LHFPL4: variants seen among roughly 807,000 people sequenced by gnomAD.
LHFPL4 encodes LHFPL tetraspan subfamily member 4 protein.
A neutral mutation model predicts 20.0 loss-of-function variants in LHFPL4; 6 were observed. The observed-to-expected ratio is 0.30, with a 90% CI of 0.16 to 0.59. The LOEUF (loss-of-function observed/expected upper bound fraction) is 0.59, where lower values mean the gene tolerates loss of function less well. Ranked by LOEUF, LHFPL4 falls within the 20% of genes least tolerant of loss-of-function variation. The pLI, the probability that LHFPL4 is intolerant of heterozygous loss-of-function variation, is 0.88. For missense variants in LHFPL4, 215 were observed against 331.2 expected (o/e 0.65, Z 2.72); for synonymous variants, 129 against 143.8 (o/e 0.90, Z 0.74).
At chr3:9,535,808 A>G (rs928384538) in intron 2 of LHFPL4, among the ~76,000 whole-genome samples, 1 of 151,478 alleles carries the variant, frequency 6.6e-6, no homozygotes, top group Non-Finnish European at 1.5e-5. Context: ...TTTTCATTAT[A>G]ATTTCTTTTT....
At position 9,536,957 on chromosome 3, in the gene LHFPL4, G is replaced by A. The variant is rs374439161; in HGVS notation, c.406+15317C>T. On this transcript the variant is annotated intron_variant, in intron 2 of 3. Transcript: ENST00000287585. ...AAAATTCAGCCGGGTGTGGTAGTGC[G>A]CGCCTGCAGTCCCAGCTACTCAGGA... Among the ~76,000 whole-genome samples, 22 of 151,616 alleles carry A rather than the reference G, an allele frequency of 1.5e-4. No homozygotes were observed. The East Asian group carries it at 2.3e-3, about 16-fold the overall frequency.
At chr3:9,508,068 G>A (rs1157424333) in intron 2 of LHFPL4, among the ~76,000 whole-genome samples, 1 of 152,164 alleles carries the variant, frequency 6.6e-6, no homozygotes, top group African/African-American at 2.4e-5. Flanking sequence ...TGTAAAGTGG[G>A]GGTGATGGTC....
intron 2 of LHFPL4, among the ~76,000 whole-genome samples, chr3:9,543,976 G>C (rs984204629): frequency 3.3e-5 from 5 of 152,028 alleles, no homozygotes; most frequent in Admixed American, 2.0e-4. Context: ...GCCCACCTCA[G>C]CCTCCCAAAG....
chr3:9,516,937 G>A (rs1027334361), intron 2 of LHFPL4, among the ~76,000 whole-genome samples: 4 of 151,444 alleles, frequency 2.6e-5, no homozygotes, highest in Non-Finnish European at 5.9e-5. Context: ...CCGCCACCAC[G>A]CCGGGCTGAT....
chr3:9,539,075 TATC>T (rs2046461317), intron 2 of LHFPL4, among the ~76,000 whole-genome samples: 1 of 152,194 alleles, frequency 6.6e-6, no homozygotes, highest in South Asian at 2.1e-4. Flanking sequence ...TTAAATCAGA[TATC>T]ATCATTAATT....
chr3:9,505,141 G>A (rs1233590109), intron 3 of LHFPL4, among the ~76,000 whole-genome samples: 5 of 152,192 alleles, frequency 3.3e-5, no homozygotes, highest in South Asian at 2.1e-4. Context: ...GCCCTTGAAC[G>A]CTTCTCATGG....
At position 9,506,139 on chromosome 3, in the gene LHFPL4, G is replaced by T; in HGVS notation, c.471C>A (p.Asp157Glu). The T allele has an allele frequency of 6.2e-7, 1 of 1,614,152 alleles. No individual in the cohort carries two copies. Among genetic ancestry groups the T allele is most frequent in the Non-Finnish European group, 8.5e-7 (1 of 1,180,034 alleles). Reference sequence around the variant, plus strand: ...ACTTCCCCGTCTTGGCCCCACACATGTCCCGGATGGTCTCGGCATCCCAGC... The same window carrying T: ...ACTTCCCCGTCTTGGCCCCACACATTTCCCGGATGGTCTCGGCATCCCAGC... ...PDGWDAETIRDMCGAKTGKYS... is the reference protein window; with the variant it reads ...PDGWDAETIREMCGAKTGKYS... Residue 157 changes from aspartate to glutamate, a missense_variant, in exon 3 of 4, where the codon GAC (aspartate) becomes GAA (glutamate). Transcript: ENST00000287585. The surrounding 1 kb of genome is among the most constrained non-coding windows in gnomAD (Gnocchi z 4.5).
At chr3:9,538,744 G>A (rs1328129434) in intron 2 of LHFPL4, among the ~76,000 whole-genome samples, 1 of 150,966 alleles carries the variant, frequency 6.6e-6, no homozygotes, top group Non-Finnish European at 1.5e-5. Flanking sequence ...TGTCACCCAG[G>A]CTGGAGTGCA....
At chr3:9,518,050 T>C (rs2046315519) in intron 2 of LHFPL4, among the ~76,000 whole-genome samples, 2 of 152,134 alleles carry the variant, frequency 1.3e-5, no homozygotes, top group Admixed American at 1.3e-4. Flanking sequence ...ATGTCTGTTG[T>C]AGGTTTTTTT....
At chr3:9,509,071 G>A (rs1448561275) in intron 2 of LHFPL4, among the ~76,000 whole-genome samples, 1 of 152,196 alleles carries the variant, frequency 6.6e-6, no homozygotes, top group Non-Finnish European at 1.5e-5. Context: ...CAGCTGCGCA[G>A]CGCTGGCTCC....
intron 2 of LHFPL4, among the ~76,000 whole-genome samples, chr3:9,520,232 G>C (rs905059051): frequency 1.3e-5 from 2 of 152,126 alleles, no homozygotes; most frequent in African/African-American, 2.4e-5. Context: ...GAGGCAGAAA[G>C]TTCACTTGAG....
At chr3:9,537,432 C>G (rs1285994239) in intron 2 of LHFPL4, among the ~76,000 whole-genome samples, 1 of 152,164 alleles carries the variant, frequency 6.6e-6, no homozygotes, top group Non-Finnish European at 1.5e-5. Context: ...AACCCCATCA[C>G]TTTGTGCAGT....
At chr3:9,502,430 G>C in intron 3 of LHFPL4, 119 bp from the exon 4 acceptor site, 1 of 726,572 alleles carries the variant, frequency 1.4e-6, no homozygotes, top group Non-Finnish European at 2.4e-6. Context: ...GGCCGGGCGC[G>C]GTGGCTGACG....
intron 2 of LHFPL4, among the ~76,000 whole-genome samples, chr3:9,523,805 G>C (rs2046356135): frequency 1.3e-5 from 2 of 151,996 alleles, no homozygotes; most frequent in African/African-American, 2.4e-5. Context: ...GTATACATCT[G>C]AGCTTCTAAC....
At chr3:9,542,806 C>CAAAAAAAA (rs148495276) in intron 2 of LHFPL4, among the ~76,000 whole-genome samples, 1 of 78,466 alleles carries the variant, frequency 1.3e-5, no homozygotes. Context: ...GGCCCTATCT[C>CAAAAAAAA]AAAAAAAAAA....
At chr3:9,502,347 T>G in intron 3 of LHFPL4, 36 bp from the exon 4 acceptor site, 10 of 1,392,656 alleles carry the variant, frequency 7.2e-6, no homozygotes, top group East Asian at 2.3e-5. Context: ...GGAGAGAGAA[T>G]TAGAGAAAGT....
chr3:9,511,453 T>C (rs1318591827), intron 2 of LHFPL4, among the ~76,000 whole-genome samples: 1 of 152,120 alleles, frequency 6.6e-6, no homozygotes, highest in East Asian at 1.9e-4. Context: ...CAATGTCACA[T>C]AGCTTGTAAG....
chr3:9,524,219 T>C (rs961309028), intron 2 of LHFPL4, among the ~76,000 whole-genome samples: 2 of 151,890 alleles, frequency 1.3e-5, no homozygotes, highest in Non-Finnish European at 1.5e-5. Context: ...TGTTTGTTTG[T>C]TTGCTTTTTT....
rs367990615 is a variant in LHFPL4 at position 9,502,235 on chromosome 3, G to A, written c.720C>T (p.Pro240=). Residue 240 remains proline (P), a synonymous_variant, in exon 4 of 4, where the codon CCC becomes CCT. Coordinates refer to ENST00000287585, the MANE Select transcript of LHFPL4 (RefSeq NM_198560.3). ...TTCAGGGTCCCTGTGAGTGAGCCAC[G>A]GGGCAGGGAAGGACTCCCCATCCAG... The part of the protein sequence containing the change: ...DVSGWGVLPC[P]VAHSQGP The A allele has an allele frequency of 4.3e-6, 7 of 1,613,914 alleles. No homozygotes were observed. The highest frequency in any genetic ancestry group is 1.1e-5 in the South Asian group (1 of 91,082).
Sources: gnomAD v4.1 joint callset for allele counts (sites outside exome capture counted in the v4.1 genomes callset) on GRCh38, gnomAD v4.1.1 for gene constraint, Gnocchi (gnomAD v3.1) non-coding constraint, MANE v1.5 for transcripts, NCBI Gene and HGNC (gene_info 2026-07-23, HGNC 2026-07-21) for gene names.